The following THSD7A variants were observed in gnomAD, a reference collection of about 807,000 sequenced individuals.
THSD7A encodes thrombospondin type-1 domain-containing protein 7A.
THSD7A carries 96 observed loss-of-function variants against 231.3 expected under a neutral mutation model. That is an observed-to-expected ratio of 0.41 (90% confidence interval 0.35 to 0.49). The LOEUF (loss-of-function observed/expected upper bound fraction) is 0.49, where lower values mean the gene tolerates loss of function less well. Among genes scored for constraint, THSD7A ranks in the 20% least tolerant of loss-of-function variants. THSD7A has a pLI of 0.05. For missense variants in THSD7A, 2,290 were observed against 2,070.2 expected (o/e 1.11, Z -2.06); for synonymous variants, 940 against 743.3 (o/e 1.26, Z -4.30).
At chr7:11,728,045 G>A (rs1781605942) in intron 1 of THSD7A, among the ~76,000 whole-genome samples, 1 of 151,898 alleles carries the variant, frequency 6.6e-6, no homozygotes, top group African/African-American at 2.4e-5. Flanking sequence ...TATGGTCAAG[G>A]GACCAGCAGT....
intron 27 of THSD7A, 23 bp downstream of exon 27, chr7:11,376,546 AT>A: frequency 6.5e-7 from 1 of 1,529,076 alleles, no homozygotes; most frequent in Non-Finnish European, 8.9e-7. Context: ...ATCTCTTTGG[AT>A]TTTTAATTAT....
chr7:11,470,391 C>G (rs914284039), intron 8 of THSD7A, among the ~76,000 whole-genome samples: 1 of 151,702 alleles, frequency 6.6e-6, no homozygotes, highest in African/African-American at 2.4e-5. Flanking sequence ...ATGACTAGGC[C>G]TTTTGCCTAT....
intron 23 of THSD7A, among the ~76,000 whole-genome samples, chr7:11,389,204 G>C (rs1011485530): frequency 6.6e-6 from 1 of 151,172 alleles, no homozygotes; most frequent in African/African-American, 2.4e-5. Context: ...TATTGGCAGT[G>C]GTGTGTTAAA....
intron 1 of THSD7A, among the ~76,000 whole-genome samples, chr7:11,659,053 A>G (rs1229535425): frequency 6.6e-6 from 1 of 151,684 alleles, no homozygotes; most frequent in Non-Finnish European, 1.5e-5. Context: ...ACTCACTTAA[A>G]CACACACACA....
At chr7:11,823,223 C>A (rs1583319537) in intron 1 of THSD7A, among the ~76,000 whole-genome samples, 1 of 151,950 alleles carries the variant, frequency 6.6e-6, no homozygotes, top group African/African-American at 2.4e-5. Context: ...CTTTCTCCAA[C>A]ATATGTTCTT....
At chr7:11,660,110 G>A (rs1782871939) in intron 1 of THSD7A, among the ~76,000 whole-genome samples, 1 of 151,558 alleles carries the variant, frequency 6.6e-6, no homozygotes, top group South Asian at 2.1e-4. Context: ...GCTTCTAGAT[G>A]TAAAGAATTA....
chr7:11,747,560 A>G (rs897293412), intron 1 of THSD7A, among the ~76,000 whole-genome samples: 3 of 151,966 alleles, frequency 2.0e-5, no homozygotes, highest in Non-Finnish European at 2.9e-5. Context: ...TTTTATGTCT[A>G]GTACAGTACA....
At chr7:11,675,079 A>G (rs1486568047) in intron 1 of THSD7A, among the ~76,000 whole-genome samples, 2 of 152,058 alleles carry the variant, frequency 1.3e-5, no homozygotes, top group African/African-American at 2.4e-5. Context: ...AATTCATTTT[A>G]TTGGGACTGG....
In THSD7A at chr7:11,446,201, G is replaced by A. The variant is rs1784964820; in HGVS notation, c.2924C>T (p.Pro975Leu). Reference sequence around the variant, plus strand: ...CAGCAACACTTCCACTTTTCCCTCTGGTAAAATACAGTCTGACCAGTTCCC... The same window carrying A: ...CAGCAACACTTCCACTTTTCCCTCTAGTAAAATACAGTCTGACCAGTTCCC... ...PVGNWSDCIL[P>L]EGKVEVLLGM... The change falls in exon 13 of 28, where the codon CCA (proline) becomes CTA (leucine). Residue 975 changes from proline (P) to leucine (L), a missense_variant. Pro to Leu is a moderately conservative substitution (Grantham distance 98). Transcript: ENST00000423059. This position sits in a 1 kb window ranked among gnomAD's most constrained non-coding sequence, Gnocchi z 4.0. 1 of 1,613,262 alleles carries A rather than the reference G, an allele frequency of 6.2e-7. No homozygotes were observed. The highest frequency in any genetic ancestry group is 8.5e-7 in the Non-Finnish European group (1 of 1,179,604).
At chr7:11,456,600 T>C (rs1302871304) in intron 11 of THSD7A, among the ~76,000 whole-genome samples, 1 of 152,036 alleles carries the variant, frequency 6.6e-6, no homozygotes. Context: ...ATTGGTTACA[T>C]GGCTTTTGGG....
intron 1 of THSD7A, among the ~76,000 whole-genome samples, chr7:11,782,339 T>C (rs1783657450): frequency 1.3e-5 from 2 of 152,092 alleles, no homozygotes; most frequent in Admixed American, 6.5e-5. Context: ...TGGGAAATAA[T>C]ATTTTTCGAG....
intron 1 of THSD7A, among the ~76,000 whole-genome samples, chr7:11,825,055 T>C (rs1784985345): frequency 7.7e-6 from 1 of 129,374 alleles, no homozygotes; most frequent in Non-Finnish European, 1.7e-5. Context: ...AATTTTTCTA[T>C]ATATTTTTTT....
intron 6 of THSD7A, among the ~76,000 whole-genome samples, chr7:11,514,335 C>T (rs892095630): frequency 2.6e-4 from 39 of 152,192 alleles, no homozygotes; most frequent in Admixed American, 1.0e-3. Context: ...ATACCCTCTA[C>T]ATCTAAAACA....
intron 19 of THSD7A, among the ~76,000 whole-genome samples, chr7:11,409,241 T>C (rs1783694558): frequency 6.6e-6 from 1 of 152,242 alleles, no homozygotes; most frequent in Non-Finnish European, 1.5e-5. Flanking sequence ...TAGGTTTAAC[T>C]CTAATTTTCC....
At chr7:11,751,840 C>A (rs1171267785) in intron 1 of THSD7A, among the ~76,000 whole-genome samples, 2 of 152,018 alleles carry the variant, frequency 1.3e-5, no homozygotes, top group Non-Finnish European at 2.9e-5. Flanking sequence ...GTCCCATCCT[C>A]CTGAAATGGG....
Position 11,417,468 on chromosome 7 carries a change from T to C in THSD7A, c.3519A>G (p.Pro1173=). The change falls in exon 17 of 28, where the codon CCA becomes CCG. Residue 1173 remains proline, a synonymous_variant. Transcript: ENST00000423059. ...PEDCVISEWG[P]WTQCVLPCNQ... The stretch of plus-strand genomic sequence containing the variant: ...ATCTCACCAAAACACATTGGGTCCA[T>C]GGACCCCATTCAGATATCACACAGT... The C allele has an allele frequency of 6.2e-7, 1 of 1,605,286 alleles. No homozygotes were observed. Among genetic ancestry groups the C allele is most frequent in the South Asian group, 1.1e-5 (1 of 88,866 alleles).
chr7:11,672,771 C>T (rs1445235241), intron 1 of THSD7A, among the ~76,000 whole-genome samples: 2 of 152,142 alleles, frequency 1.3e-5, no homozygotes, highest in Non-Finnish European at 2.9e-5. Context: ...AATATGTGAA[C>T]TCTAGCTTTT....
chr7:11,798,182 T>G (rs1223943328), intron 1 of THSD7A, among the ~76,000 whole-genome samples: 1 of 152,118 alleles, frequency 6.6e-6, no homozygotes, highest in Non-Finnish European at 1.5e-5. Flanking sequence ...CTATCATACA[T>G]TTATCTGGTA....
intron 1 of THSD7A, among the ~76,000 whole-genome samples, chr7:11,793,320 T>G (rs188890135): frequency 2.6e-5 from 4 of 152,064 alleles, no homozygotes; most frequent in African/African-American, 9.6e-5. Context: ...ATAATTCTTC[T>G]AGTAGGTAAT....
Sources: gnomAD v4.1 joint callset for allele counts (sites outside exome capture counted in the v4.1 genomes callset) on GRCh38, gnomAD v4.1.1 for gene constraint, Gnocchi (gnomAD v3.1) non-coding constraint, MANE v1.5 for transcripts, NCBI Gene and HGNC (gene_info 2026-07-23, HGNC 2026-07-21) for gene names.